The following IPO5 variants were observed in gnomAD, a reference collection of about 807,000 sequenced individuals.
IPO5 encodes the protein importin-5.
In IPO5, 18 loss-of-function variants were observed where a neutral mutation model predicts 143.3. The observed-to-expected ratio is 0.13, with a 90% CI of 0.09 to 0.19. The LOEUF (loss-of-function observed/expected upper bound fraction) is 0.19, where lower values mean the gene tolerates loss of function less well. IPO5 is among the 10% of genes least tolerant of loss of function. IPO5 has a pLI of 1.00. For missense variants in IPO5, 1,013 were observed against 1,336.9 expected (o/e 0.76, Z 3.78); for synonymous variants, 477 against 465.7 (o/e 1.02, Z -0.31).
At chr13:98,011,116 T>C (rs1417159630) in intron 20 of IPO5, among the ~76,000 whole-genome samples, 1 of 152,172 alleles carries the variant, frequency 6.6e-6, no homozygotes, top group South Asian at 2.1e-4. Flanking sequence ...GTATTTCTTA[T>C]TGTCATCTTC....
intron 2 of IPO5, among the ~76,000 whole-genome samples, chr13:97,959,144 C>T (rs1307263061): frequency 2.0e-5 from 3 of 151,662 alleles, no homozygotes; most frequent in African/African-American, 7.3e-5. Flanking sequence ...TGCACTCCAG[C>T]CTGGGTGACA....
At chr13:98,003,165 G>A in intron 16 of IPO5, 128 bp downstream of exon 16, 1 of 741,476 alleles carries the variant, frequency 1.3e-6, no homozygotes, top group Non-Finnish European at 2.2e-6. Context: ...AAACTGAGGA[G>A]GCTATTCGGA....
At chr13:97,969,655 T>G in intron 2 of IPO5, 68 bp from the exon 3 acceptor site, 1 of 726,878 alleles carries the variant, frequency 1.4e-6, no homozygotes, top group Non-Finnish European at 2.4e-6. Flanking sequence ...CAGATGTGAT[T>G]TTTAAGAATA....
intron 3 of IPO5, among the ~76,000 whole-genome samples, chr13:97,971,592 A>G (rs534526792): frequency 2.1e-4 from 32 of 152,334 alleles, no homozygotes; most frequent in Middle Eastern, 3.4e-3. Context: ...ATACGCAAGT[A>G]GATTTTATAT....
At chr13:97,974,751 C>A (rs1460376542) in intron 3 of IPO5, among the ~76,000 whole-genome samples, 1 of 150,862 alleles carries the variant, frequency 6.6e-6, no homozygotes, top group Non-Finnish European at 1.5e-5. Context: ...AGTGGTTTGT[C>A]TAGAAGAAAT....
chr13:97,998,948 G>A (rs1457362765), intron 12 of IPO5, among the ~76,000 whole-genome samples: 1 of 152,150 alleles, frequency 6.6e-6, no homozygotes, highest in Non-Finnish European at 1.5e-5. Flanking sequence ...TTCGAGACCA[G>A]CCTGACCAAC....
At chr13:98,017,553 C>T (rs1409960189) in intron 25 of IPO5, among the ~76,000 whole-genome samples, 1 of 151,986 alleles carries the variant, frequency 6.6e-6, no homozygotes, top group African/African-American at 2.4e-5. Context: ...CCGCCTCGGC[C>T]TCCCAAAGTG....
intron 21 of IPO5, 108 bp downstream of exon 21, chr13:98,012,450 A>G: frequency 1.4e-6 from 1 of 733,456 alleles, no homozygotes; most frequent in Non-Finnish European, 2.5e-6. Context: ...GATTGTTTGT[A>G]TTTGCACTAA....
At chr13:97,998,941 G>A (rs1324517595) in intron 12 of IPO5, among the ~76,000 whole-genome samples, 1 of 152,014 alleles carries the variant, frequency 6.6e-6, no homozygotes, top group Admixed American at 6.6e-5. Flanking sequence ...TCAGGAGTTC[G>A]AGACCAGCCT....
Position 97,964,443 on chromosome 13 carries a change from CTTTTTTTT to C in IPO5, c.-112-5266_-112-5259del, listed in dbSNP as rs369952371. 1.8e-4 allele frequency among the ~76,000 whole-genome samples: 19 copies of C among 108,230 alleles called. No homozygotes were observed. The East Asian group carries it at 4.1e-3, about 23-fold the overall frequency. The allele number at this position is 108,230 out of a possible 152,430, so 71.0% of individuals were successfully genotyped here. A position where few individuals can be genotyped will look rare whatever the true frequency, so the allele number is the denominator to read the frequency against. ...CCAGTTTTCCCAGCACCATTTCTTTCTTTTTTTTTTTTTTTTTTTTTGGAGAATGAGTC... is the reference window on the plus strand; with the variant it reads ...CCAGTTTTCCCAGCACCATTTCTTTCTTTTTTTTTTTTTGGAGAATGAGTC... On this transcript the variant is annotated intron_variant, in intron 2 of 28. Transcript: ENST00000651721.
chr13:98,021,133 G>A lies in IPO5; in HGVS notation c.3207G>A (p.Gln1069=). 6.3e-7 allele frequency: 1 copy of A among 1,592,164 alleles called. No individual in the cohort carries two copies. ...KRLANVVRQV[Q]TSGGLWTECI... ...TGGCCAATGTCGTTCGCCAAGTACA[G>A]GTAAGCTGATTTGGTTGAATTGGGG... The change falls in exon 28 of 29, where the codon CAG becomes CAA. Residue 1069 remains glutamine, a splice_region_variant and synonymous_variant. Coordinates refer to ENST00000651721, the MANE Select transcript of IPO5 (RefSeq NM_002271.6).
At chr13:97,997,865 C>A (rs1222586004) in intron 12 of IPO5, among the ~76,000 whole-genome samples, 2 of 152,050 alleles carry the variant, frequency 1.3e-5, no homozygotes, top group Non-Finnish European at 2.9e-5. Flanking sequence ...ATAGTTAATA[C>A]ATAAAGTTGT....
At chr13:97,993,801 A>G (rs752510112) in intron 11 of IPO5, among the ~76,000 whole-genome samples, 1 of 152,244 alleles carries the variant, frequency 6.6e-6, no homozygotes, top group Non-Finnish European at 1.5e-5. Flanking sequence ...TAATGAGCTA[A>G]TGAGTACTTG....
intron 4 of IPO5, among the ~76,000 whole-genome samples, chr13:97,979,546 A>G (rs992471706): frequency 6.6e-6 from 1 of 152,246 alleles, no homozygotes; most frequent in Non-Finnish European, 1.5e-5. Context: ...ATAGTTGACA[A>G]GTAGTGCAAA....
At chr13:97,965,823 A>C (rs1419385265) in intron 2 of IPO5, among the ~76,000 whole-genome samples, 1 of 151,538 alleles carries the variant, frequency 6.6e-6, no homozygotes, top group East Asian at 1.9e-4. Context: ...TCTATACGAA[A>C]TCATGTCACT....
At chr13:97,962,312 G>A (rs1257994551) in intron 2 of IPO5, among the ~76,000 whole-genome samples, 1 of 152,162 alleles carries the variant, frequency 6.6e-6, no homozygotes, top group African/African-American at 2.4e-5. Flanking sequence ...CCAAAGCGAT[G>A]AAGATTTAGT....
At chr13:97,995,179 G>GTTT (rs200248504) in intron 11 of IPO5, among the ~76,000 whole-genome samples, 13 of 131,746 alleles carry the variant, frequency 9.9e-5, no homozygotes, top group African/African-American at 3.3e-4. Context: ...TTCTTTCTTT[G>GTTT]TTTTTTTTTT....
intron 16 of IPO5, among the ~76,000 whole-genome samples, chr13:98,004,122 A>G (rs1335422739): frequency 6.6e-6 from 1 of 152,226 alleles, no homozygotes; most frequent in African/African-American, 2.4e-5. Context: ...TTACTACTAT[A>G]AAAATGAAAT....
intron 22 of IPO5, among the ~76,000 whole-genome samples, chr13:98,014,621 G>A (rs1889976839): frequency 1.3e-5 from 2 of 152,144 alleles, no homozygotes; most frequent in Admixed American, 1.3e-4. Flanking sequence ...TAATATTTTG[G>A]TATTATTATG....
Sources: gnomAD v4.1 joint callset for allele counts (sites outside exome capture counted in the v4.1 genomes callset) on GRCh38, gnomAD v4.1.1 for gene constraint, MANE v1.5 for transcripts, NCBI Gene and HGNC (gene_info 2026-07-23, HGNC 2026-07-21) for gene names.